CYLC1: variants seen among roughly 807,000 people sequenced by gnomAD.
The protein encoded by CYLC1 is cylicin-1.
In CYLC1, 2 loss-of-function variants were observed where a neutral mutation model predicts 31.6. The ratio of observed to expected loss-of-function variants is 0.06; its 90% CI spans 0.03 to 0.20. The LOEUF is 0.20. Among genes scored for constraint, CYLC1 ranks in the 10% least tolerant of loss-of-function variants. CYLC1 has a pLI of 1.00. For missense variants in CYLC1, 595 were observed against 424.1 expected (o/e 1.40, Z -3.54); for synonymous variants, 185 against 153.0 (o/e 1.21, Z -1.54).
intron 1 of CYLC1, among the ~76,000 whole-genome samples, chrX:83,865,459 C>T (rs1256112760): frequency 8.9e-6 from 1 of 111,793 alleles, no homozygotes; most frequent in African/African-American, 3.2e-5. Flanking sequence ...ATTGCAAAAA[C>T]CTCTGTGCAT....
At chrX:83,861,997 A>G (rs1223794712) in intron 1 of CYLC1, among the ~76,000 whole-genome samples, 2 of 111,731 alleles carry the variant, frequency 1.8e-5, no homozygotes, top group Non-Finnish European at 3.8e-5. Context: ...TGGGTATATG[A>G]CCAGGCAATT....
intron 2 of CYLC1, among the ~76,000 whole-genome samples, chrX:83,870,938 G>A (rs747627109): frequency 2.7e-5 from 3 of 110,644 alleles, no homozygotes; most frequent in South Asian, 3.8e-4. Flanking sequence ...CCTGTGGTTC[G>A]GGATGCCACT....
intron 4 of CYLC1, among the ~76,000 whole-genome samples, chrX:83,877,417 T>C (rs1462782924): frequency 9.0e-6 from 1 of 111,056 alleles, no homozygotes; most frequent in Non-Finnish European, 1.9e-5. Flanking sequence ...TCTGGCAGAA[T>C]AAAATTTCTT....
chrX:83,873,794 C>A lies in CYLC1; in HGVS notation c.1086C>A (p.Asp362Glu). The change falls in exon 4 of 5, where the codon GAC (aspartate) becomes GAA (glutamate). Residue 362 changes from aspartate to glutamate, a missense_variant. Coordinates refer to ENST00000329312, the MANE Select transcript of CYLC1 (RefSeq NM_021118.3). ...TAAAGAAAGATGACAAGAAAAAGGA[C>A]ACAAAGAAGTACCCAGAGTCTACTG... is the stretch of plus-strand genomic sequence containing the variant. ...KKLKKDDKKKDTKKYPESTDT... is the reference protein window; with the variant it reads ...KKLKKDDKKKETKKYPESTDT... 1 of 1,186,574 alleles carries A rather than the reference C, an allele frequency of 8.4e-7. No individual in the cohort carries two copies.
intron 1 of CYLC1, among the ~76,000 whole-genome samples, chrX:83,861,796 A>C (rs1222234115): frequency 9.0e-6 from 1 of 111,584 alleles, no homozygotes; most frequent in East Asian, 2.8e-4. Flanking sequence ...GTAGTTTAAA[A>C]ATTAAGATAA....
intron 1 of CYLC1, among the ~76,000 whole-genome samples, chrX:83,863,918 T>C (rs961645334): frequency 9.0e-5 from 10 of 111,344 alleles, no homozygotes; most frequent in South Asian, 3.8e-4. Context: ...GTCAGCAGGA[T>C]TGGTTTACTC....
At chrX:83,871,636 T>G (rs922483205) in intron 3 of CYLC1, 66 bp downstream of exon 3, 2 of 1,021,672 alleles carry the variant, frequency 2.0e-6, no homozygotes, top group Admixed American at 5.9e-5. Flanking sequence ...TAAATATAAG[T>G]AAGGCCTATA....
Position 83,873,003 on chromosome X carries a change from C to A in CYLC1, c.295C>A (p.Pro99Thr). ...TTACACAGCTGCCAGGGAACAGACT[C>A]CATTCAGACATCTTTATACTTCCAA... ...PIYTAAREQTPFRHLYTSKTH... is the reference protein window; with the variant it reads ...PIYTAAREQTTFRHLYTSKTH... Residue 99 changes from proline (P) to threonine (T), a missense_variant, in exon 4 of 5, where the codon CCA (proline) becomes ACA (threonine). By Grantham distance (38) the Pro-to-Thr change is conservative. Coordinates refer to ENST00000329312, the MANE Select transcript of CYLC1 (RefSeq NM_021118.3). 1 of 1,205,134 alleles carries A rather than the reference C, an allele frequency of 8.3e-7. No homozygotes were observed. The highest frequency in any genetic ancestry group is 3.0e-5 in the East Asian group (1 of 33,695).
chrX:83,883,778 T>C (rs774569015), intron 4 of CYLC1, among the ~76,000 whole-genome samples: 1 of 111,848 alleles, frequency 8.9e-6, no homozygotes, highest in African/African-American at 3.2e-5. Context: ...TGCTGAAAAA[T>C]TGAATGTGGC....
rs191076210 is a variant in CYLC1, at chrX:83,868,390, T to A, written c.18-1475T>A. Among the ~76,000 whole-genome samples, 32 of 111,287 alleles carry A rather than the reference T, an allele frequency of 2.9e-4. No homozygotes were observed. The East Asian group carries it at 7.7e-3, about 27-fold the overall frequency. On this transcript the variant is annotated intron_variant, in intron 1 of 4. Coordinates refer to ENST00000329312, the MANE Select transcript of CYLC1 (RefSeq NM_021118.3). ...GAGGAAAAACTGGTACAGTTTGTAA[T>A]AACTAGATAACGGGAGCTCAATATA...
chrX:83,873,422 C>T lies in CYLC1; in HGVS notation c.714C>T (p.Cys238=). The T allele has an allele frequency of 8.3e-7, 1 of 1,202,830 alleles. No individual in the cohort carries two copies. Among genetic ancestry groups the T allele is most frequent in the Non-Finnish European group, 1.1e-6 (1 of 891,667 alleles). The change falls in exon 4 of 5, where the codon TGC becomes TGT. Residue 238 remains cysteine, a synonymous_variant. Coordinates refer to ENST00000329312, the MANE Select transcript of CYLC1 (RefSeq NM_021118.3). ...KTSNDPISEI[C]SENSLNVDFL... The stretch of plus-strand genomic sequence containing the variant: ...GTAATGATCCCATATCAGAGATTTG[C>T]TCAGAAAATAGTTTAAATGTTGATT...
At chrX:83,879,307 G>T (rs2031876926) in intron 4 of CYLC1, among the ~76,000 whole-genome samples, 1 of 110,163 alleles carries the variant, frequency 9.1e-6, no homozygotes, top group African/African-American at 3.3e-5. Context: ...AGCAGCCTGG[G>T]GTCCATTTTT....
chrX:83,873,095 A>G lies in CYLC1; in HGVS notation c.387A>G (p.Lys129=), dbSNP rs149146924. Residue 129 remains lysine, a synonymous_variant, in exon 4 of 5, where the codon AAA becomes AAG. Transcript: ENST00000329312. ...AAAAAGGAGGAACACCTTTGAAGAA[A>G]GATTCCAAGAAAAAAGGAGGTTCAT... ...KDEKGGTPLK[K]DSKKKGGSYA... is the part of the protein sequence containing the mutation. 1 of 1,195,057 alleles carries G rather than the reference A, an allele frequency of 8.4e-7. No individual in the cohort carries two copies. Among genetic ancestry groups the G allele is most frequent in the Non-Finnish European group, 1.1e-6 (1 of 889,260 alleles).
chrX:83,874,997 G>C (rs948580157), intron 4 of CYLC1, among the ~76,000 whole-genome samples: 3 of 111,118 alleles, frequency 2.7e-5, no homozygotes, highest in Non-Finnish European at 3.8e-5. Flanking sequence ...ATTTAAGCGA[G>C]ATATAAAGAC....
intron 2 of CYLC1, 58 bp downstream of exon 2, chrX:83,869,963 C>T (rs1220178634): frequency 4.5e-6 from 3 of 659,979 alleles, no homozygotes; most frequent in Non-Finnish European, 4.1e-6. Context: ...ATTTTAGGAA[C>T]TAATGACAAG....
chrX:83,872,408 T>C (rs930965039), intron 3 of CYLC1, among the ~76,000 whole-genome samples: 1 of 110,471 alleles, frequency 9.1e-6, no homozygotes, highest in African/African-American at 3.3e-5. Context: ...ACAAGACACT[T>C]TAAAAGCAGG....
At chrX:83,870,354 T>C (rs1216980341) in intron 2 of CYLC1, among the ~76,000 whole-genome samples, 1 of 111,389 alleles carries the variant, frequency 9.0e-6, no homozygotes, top group Admixed American at 9.6e-5. Flanking sequence ...ATATTACCCA[T>C]TGGTTCTAGC....
chrX:83,864,370 A>G (rs937067458), intron 1 of CYLC1, among the ~76,000 whole-genome samples: 1 of 110,775 alleles, frequency 9.0e-6, no homozygotes, highest in Non-Finnish European at 1.9e-5. Flanking sequence ...ATTTTGTCCC[A>G]TCAGTGTTCA....
chrX:83,885,842 A>C (rs2031975228), intron 4 of CYLC1, among the ~76,000 whole-genome samples: 1 of 110,254 alleles, frequency 9.1e-6, no homozygotes, highest in Non-Finnish European at 1.9e-5. Flanking sequence ...AAAACTATGT[A>C]TACTTATAAA....
Sources: allele counts gnomAD v4.1 joint callset (sites outside exome capture counted in the v4.1 genomes callset), GRCh38; gene constraint gnomAD v4.1.1; transcripts MANE v1.5; gene names NCBI Gene and HGNC (gene_info 2026-07-23, HGNC 2026-07-21).